The following WDR43 variants were observed in gnomAD, a reference collection of about 807,000 sequenced individuals.
The protein encoded by WDR43 is WD repeat domain 43, also known as WD repeat-containing protein 43.
WDR43 carries 13 observed loss-of-function variants against 91.4 expected under a neutral mutation model. That is an observed-to-expected ratio of 0.14 (90% confidence interval 0.09 to 0.23). The LOEUF is 0.23. Ranked by LOEUF, WDR43 falls within the 10% of genes least tolerant of loss-of-function variation. The probability of loss-of-function intolerance (pLI) is 1.00; values close to 1 mark genes in which losing one functional copy is unlikely to be tolerated. For missense variants in WDR43, 780 were observed against 809.4 expected, an observed-to-expected ratio of 0.96 and a Z score of 0.44; for synonymous variants, 331 against 287.9, an observed-to-expected ratio of 1.15 and a Z score of -1.51.
intron 14 of WDR43, among the ~76,000 whole-genome samples, chr2:28,938,221 A>G (rs1671369917): frequency 6.6e-6 from 1 of 152,168 alleles, no homozygotes; most frequent in African/African-American, 2.4e-5. Context: ...TGCCCCCCGG[A>G]TGTAAAAATA....
intron 3 of WDR43, among the ~76,000 whole-genome samples, chr2:28,907,445 A>AC (rs1553326138): frequency 0.41 from 40,045 of 97,402 alleles, 7,201 homozygotes; most frequent in Middle Eastern, 0.5. Context: ...CCACCTCTTT[A>AC]CAAAAAAAAA....
chr2:28,945,422 T>TG (rs1419556367), intron 16 of WDR43, among the ~76,000 whole-genome samples: 4 of 152,366 alleles, frequency 2.6e-5, no homozygotes, highest in African/African-American at 9.6e-5. Context: ...CTGGCTACTG[T>TG]GTTTCTGAAG....
At chr2:28,929,225 T>A (rs553237097) in intron 10 of WDR43, among the ~76,000 whole-genome samples, 1 of 152,204 alleles carries the variant, frequency 6.6e-6, no homozygotes, top group African/African-American at 2.4e-5. Flanking sequence ...ATAGTTATAG[T>A]GGGGCAAGCT....
At chr2:28,915,362 C>T (rs961491684) in intron 5 of WDR43, among the ~76,000 whole-genome samples, 23 of 152,138 alleles carry the variant, frequency 1.5e-4, no homozygotes, top group Admixed American at 3.9e-4. Context: ...CATAAGAAAT[C>T]AGTAGTGCTA....
Position 28,946,894 on chromosome 2 carries a change from A to G in WDR43, c.*115A>G. 8.1e-7 allele frequency: 1 copy of G among 1,235,944 alleles called. No individual in the cohort carries two copies. The highest frequency in any genetic ancestry group is 1.1e-6 in the Non-Finnish European group (1 of 916,296). The allele number at this position is 1,235,944 out of a possible 1,614,324, so 76.6% of individuals were successfully genotyped here. A position where few individuals can be genotyped will look rare whatever the true frequency, so the allele number is the denominator to read the frequency against. ...CGCTGCACATTTCCAAATTCACAGCAGTGGATCCCATGCCACTTTGCTGTC... is the reference window on the plus strand; with the variant it reads ...CGCTGCACATTTCCAAATTCACAGCGGTGGATCCCATGCCACTTTGCTGTC... On this transcript the variant is annotated 3_prime_UTR_variant, in exon 18 of 18. Transcript: ENST00000407426.
At chr2:28,915,654 A>G (rs961736455) in intron 5 of WDR43, among the ~76,000 whole-genome samples, 7 of 152,234 alleles carry the variant, frequency 4.6e-5, no homozygotes, top group Admixed American at 1.3e-4. Context: ...GTAAATTTGC[A>G]TGGGGATAGG....
intron 14 of WDR43, among the ~76,000 whole-genome samples, chr2:28,941,067 C>A (rs1469729353): frequency 3.3e-5 from 5 of 152,160 alleles, no homozygotes; most frequent in Non-Finnish European, 5.9e-5. Context: ...AGATAATATG[C>A]TAGCATCAGA....
intron 5 of WDR43, among the ~76,000 whole-genome samples, chr2:28,916,637 C>G (rs762353269): frequency 6.6e-6 from 1 of 152,112 alleles, no homozygotes; most frequent in Non-Finnish European, 1.5e-5. Context: ...ACCCACACAT[C>G]CCTGCACCCA....
At chr2:28,904,872 T>C (rs1304852318) in intron 2 of WDR43, 1 of 152,240 alleles carries the variant, frequency 6.6e-6, no homozygotes. Flanking sequence ...TGGTGTTTCA[T>C]TGTATACGTA....
At position 28,926,541 on chromosome 2, in the gene WDR43, C is replaced by T. The variant is rs1304723605; in HGVS notation, c.1160C>T (p.Thr387Ile). The change falls in exon 9 of 18, where the codon ACA becomes ATA. Residue 387 changes from threonine (T) to isoleucine (I), a missense_variant. Physicochemically the swap from Thr to Ile is moderately conservative, Grantham distance 89 (BLOSUM62 -1). Transcript: ENST00000407426. ...AACTGCTGGGCCCCCAAAGTAGAAA[C>T]AGCTATAACAAAGGTGAGCACATTA... ...ISNCWAPKVE[T>I]AITKVRTPVM... 1.3e-6 allele frequency: 2 copies of T among 1,593,592 alleles called. No homozygotes were observed. Among genetic ancestry groups the T allele is most frequent in the Admixed American group, 1.7e-5 (1 of 57,576 alleles).
intron 5 of WDR43, among the ~76,000 whole-genome samples, chr2:28,914,963 A>G (rs576151813): frequency 1.3e-5 from 2 of 152,298 alleles, no homozygotes; most frequent in East Asian, 1.9e-4. Context: ...AAGTCATCAA[A>G]AAGTTTTTAA....
In WDR43 at chr2:28,894,833, C is replaced by T. The variant is rs1479883694; in HGVS notation, c.135C>T (p.Asn45=). 1.9e-6 allele frequency: 3 copies of T among 1,611,266 alleles called. No individual in the cohort carries two copies. Among genetic ancestry groups the T allele is most frequent in the African/African-American group, 1.3e-5 (1 of 75,036 alleles). Residue 45 remains asparagine (N), a synonymous_variant, in exon 1 of 18, where the codon AAC becomes AAT. Transcript: ENST00000407426. ...ACTTACGAGTATGGGAGACGGCCAA[C>T]AACCGGCTGCACCAGGAGTACGTGC... ...DGHLRVWETA[N]NRLHQEYVPS...
rs769935378 is a variant in WDR43, at chr2:28,917,961, A to G, written c.815A>G (p.Tyr272Cys). ...TTTACAGTTACCGATGAACCTGTCT[A>G]TATTGACTTAACTTTGTCAGAAAAC... ...MSFTVTDEPV[Y>C]IDLTLSENKE... The change falls in exon 6 of 18, where the codon TAT (tyrosine) becomes TGT (cysteine). Residue 272 changes from tyrosine (Y) to cysteine (C), a missense_variant. Coordinates refer to ENST00000407426, the MANE Select transcript of WDR43 (RefSeq NM_015131.3). The G allele has an allele frequency of 7.6e-6, 12 of 1,583,752 alleles. No individual in the cohort carries two copies. Among genetic ancestry groups the G allele is most frequent in the African/African-American group, 2.7e-5 (2 of 74,422 alleles).
At chr2:28,928,051 G>C in intron 10 of WDR43, 1 of 216,642 alleles carries the variant, frequency 4.6e-6, no homozygotes, top group South Asian at 7.3e-5. Flanking sequence ...TCTCTTGGCT[G>C]TCTGAGCAAT....
intron 3 of WDR43, among the ~76,000 whole-genome samples, chr2:28,910,146 T>A (rs1670762786): frequency 2.0e-5 from 3 of 152,196 alleles, no homozygotes; most frequent in African/African-American, 7.2e-5. Context: ...TCCCAGATCA[T>A]GCTGATTTAT....
intron 2 of WDR43, among the ~76,000 whole-genome samples, chr2:28,903,067 A>G (rs1670607523): frequency 6.6e-6 from 1 of 152,180 alleles, no homozygotes; most frequent in African/African-American, 2.4e-5. Context: ...TTATACATAC[A>G]TTAAAAAAAT....
chr2:28,911,552 C>A (rs1272090223), intron 3 of WDR43, among the ~76,000 whole-genome samples: 1 of 152,132 alleles, frequency 6.6e-6, no homozygotes, highest in African/African-American at 2.4e-5. Flanking sequence ...CCTCGGCTTC[C>A]CAAAGTGCTG....
At chr2:28,941,298 G>A (rs868326370) in intron 14 of WDR43, among the ~76,000 whole-genome samples, 163 bp from the exon 15 acceptor site, 1 of 152,082 alleles carries the variant, frequency 6.6e-6, no homozygotes, top group Admixed American at 6.5e-5. Flanking sequence ...GTGAAAATTC[G>A]TGATGTTGTT....
At chr2:28,920,065 C>T (rs944185732) in intron 6 of WDR43, among the ~76,000 whole-genome samples, 2 of 152,030 alleles carry the variant, frequency 1.3e-5, no homozygotes, top group African/African-American at 4.8e-5. Flanking sequence ...TTTCAAACTC[C>T]TGGCCTTGAG....
Sources: gnomAD v4.1 joint callset for allele counts (sites outside exome capture counted in the v4.1 genomes callset) on GRCh38, gnomAD v4.1.1 for gene constraint, MANE v1.5 for transcripts, NCBI Gene and HGNC (gene_info 2026-07-23, HGNC 2026-07-21) for gene names.